The following TRPM3 variants were observed in gnomAD, a reference collection of about 807,000 sequenced individuals.
TRPM3 encodes the protein long transient receptor potential channel 3.
TRPM3 carries 77 observed loss-of-function variants against 181.2 expected under a neutral mutation model. The observed-to-expected ratio is 0.42, with a 90% CI of 0.35 to 0.51. TRPM3 has a LOEUF of 0.51. Among genes scored for constraint, TRPM3 ranks in the 20% least tolerant of loss-of-function variants. The pLI is 0.01. For missense variants in TRPM3, 1,759 were observed against 2,196.7 expected (o/e 0.80, Z 3.98); for synonymous variants, 745 against 796.4 (o/e 0.94, Z 1.09).
intron 1 of TRPM3, among the ~76,000 whole-genome samples, chr9:70,893,192 G>T (rs1229555824): frequency 6.6e-6 from 1 of 152,112 alleles, no homozygotes; most frequent in East Asian, 1.9e-4. Context: ...TTCCCCACAG[G>T]TCCTCCAGAT....
chr9:71,043,948 C>T (rs893689651), intron 1 of TRPM3, among the ~76,000 whole-genome samples: 4 of 152,150 alleles, frequency 2.6e-5, no homozygotes, highest in Non-Finnish European at 5.9e-5. Flanking sequence ...CGCATCACTC[C>T]TTGAGACTTC....
At chr9:71,220,392 ATCTGC>A (rs2080167058) in intron 1 of TRPM3, among the ~76,000 whole-genome samples, 1 of 149,530 alleles carries the variant, frequency 6.7e-6, no homozygotes, top group South Asian at 2.1e-4. Flanking sequence ...TATTATTATG[ATCTGC>A]TTACCAGTTG....
chr9:70,952,848 G>A (rs943607179), intron 1 of TRPM3, among the ~76,000 whole-genome samples: 1 of 152,108 alleles, frequency 6.6e-6, no homozygotes, highest in African/African-American at 2.4e-5. Context: ...GAAAATCAGG[G>A]AGAGCCTCTG....
At chr9:71,106,243 T>C (rs541745183) in intron 1 of TRPM3, among the ~76,000 whole-genome samples, 2 of 152,286 alleles carry the variant, frequency 1.3e-5, no homozygotes, top group South Asian at 4.1e-4. Flanking sequence ...AAAGTAATGC[T>C]CATGATATGA....
chr9:70,560,618 G>A (rs974956439), intron 22 of TRPM3, among the ~76,000 whole-genome samples: 2 of 152,218 alleles, frequency 1.3e-5, no homozygotes, highest in African/African-American at 4.8e-5. Flanking sequence ...AAAGCCTGGT[G>A]AGCTACAAAT....
At chr9:71,124,759 G>A (rs957648078), upstream of TRPM3, among the ~76,000 whole-genome samples, 2 of 152,012 alleles carry the variant, frequency 1.3e-5, no homozygotes, top group East Asian at 3.9e-4. Context: ...GTACCACTTT[G>A]CACCCTGTCT....
intron 7 of TRPM3, among the ~76,000 whole-genome samples, chr9:70,777,585 T>C (rs1420222483): frequency 6.6e-6 from 1 of 152,148 alleles, no homozygotes; most frequent in Non-Finnish European, 1.5e-5. Context: ...TCTTTATATA[T>C]ACTACAGAGG....
intron 1 of TRPM3, among the ~76,000 whole-genome samples, chr9:71,110,377 C>T (rs1253916516): frequency 1.3e-5 from 2 of 152,076 alleles, no homozygotes; most frequent in Non-Finnish European, 2.9e-5. Context: ...CTATGACATT[C>T]GACAATTATA....
intron 3 of TRPM3, among the ~76,000 whole-genome samples, chr9:70,855,436 C>A (rs1174660114): frequency 6.6e-6 from 1 of 152,188 alleles, no homozygotes; most frequent in Non-Finnish European, 1.5e-5. Flanking sequence ...CCAGCTGTTT[C>A]AATGAAAATG....
At chr9:70,864,676 A>G (rs957548903) in intron 1 of TRPM3, among the ~76,000 whole-genome samples, 165 bp from the exon 2 acceptor site, 10 of 152,064 alleles carry the variant, frequency 6.6e-5, no homozygotes, top group South Asian at 2.1e-4. Context: ...ACTAAATATA[A>G]CAAAATCAAT....
At chr9:70,757,295 A>G (rs1263756922) in intron 8 of TRPM3, among the ~76,000 whole-genome samples, 1 of 152,218 alleles carries the variant, frequency 6.6e-6, no homozygotes, top group African/African-American at 2.4e-5. Flanking sequence ...AAGAAGTCAA[A>G]TCCCTGAATA....
chr9:71,416,660 A>G (rs62545048), intron 1 of TRPM3, among the ~76,000 whole-genome samples: 3,296 of 152,084 alleles, frequency 0.022, 47 homozygotes, highest in Non-Finnish European at 0.034. Context: ...CTTACAAAAT[A>G]AGATTTTTAA....
At chr9:70,781,326 T>TGAAAAAAAAAAAAAAA (rs2082387763) in intron 7 of TRPM3, among the ~76,000 whole-genome samples, 1 of 106,122 alleles carries the variant, frequency 9.4e-6, no homozygotes, top group African/African-American at 3.7e-5. Context: ...TTCCATTTCA[T>TGAAAAAAAAAAAAAAA]AAAAAAAAAA....
At chr9:70,885,865 T>C (rs1234271074) in intron 1 of TRPM3, among the ~76,000 whole-genome samples, 1 of 152,226 alleles carries the variant, frequency 6.6e-6, no homozygotes, top group Non-Finnish European at 1.5e-5. Context: ...ACCCTATTTC[T>C]GCCCAAGTCT....
chr9:71,381,024 C>T (rs1396487823), intron 1 of TRPM3, among the ~76,000 whole-genome samples: 2 of 152,046 alleles, frequency 1.3e-5, no homozygotes, highest in Non-Finnish European at 2.9e-5. Flanking sequence ...TTAAGATAAG[C>T]AAGTGTGAGA....
intron 9 of TRPM3, among the ~76,000 whole-genome samples, chr9:70,658,463 G>A (rs2060669325): frequency 6.6e-6 from 1 of 152,046 alleles, no homozygotes; most frequent in Non-Finnish European, 1.5e-5. Flanking sequence ...AATATGAAAT[G>A]GTGTTTGGTT....
At chr9:71,067,101 G>C (rs1370804156) in intron 1 of TRPM3, among the ~76,000 whole-genome samples, 4 of 152,162 alleles carry the variant, frequency 2.6e-5, no homozygotes, top group African/African-American at 9.7e-5. Flanking sequence ...CGATAGGCAA[G>C]AATATACCCC....
At chr9:70,779,023 T>G (rs978636957) in intron 7 of TRPM3, among the ~76,000 whole-genome samples, 1 of 152,160 alleles carries the variant, frequency 6.6e-6, no homozygotes, top group African/African-American at 2.4e-5. Flanking sequence ...ATACAACATT[T>G]TTTTTTTCAT....
intron 1 of TRPM3, among the ~76,000 whole-genome samples, chr9:71,186,850 C>A (rs574076147): frequency 2.0e-4 from 31 of 152,110 alleles, no homozygotes; most frequent in African/African-American, 7.2e-4. Context: ...AGCAAAAAGT[C>A]TCTCGTTATG....
Sources: gnomAD v4.1 joint callset for allele counts (sites outside exome capture counted in the v4.1 genomes callset) on GRCh38, gnomAD v4.1.1 for gene constraint, MANE v1.5 for transcripts, NCBI Gene and HGNC (gene_info 2026-07-23, HGNC 2026-07-21) for gene names.